The following PIP5K1B variants were observed in gnomAD, a reference collection of about 807,000 sequenced individuals.
PIP5K1B encodes the protein phosphatidylinositol 4-phosphate 5-kinase type-1 beta.
In PIP5K1B, 42 loss-of-function variants were observed where a neutral mutation model predicts 67.0. The observed-to-expected ratio is 0.63, with a 90% confidence interval of 0.49 to 0.81. The LOEUF is 0.81. PIP5K1B is among the 30% of genes least tolerant of loss of function. The pLI, the probability that PIP5K1B is intolerant of heterozygous loss-of-function variation, is 0.00. For synonymous variants in PIP5K1B, 214 were observed against 231.4 expected, an observed-to-expected ratio of 0.92 and a Z score of 0.68; for missense variants, 459 against 646.3, an observed-to-expected ratio of 0.71 and a Z score of 3.14.
intron 5 of PIP5K1B, among the ~76,000 whole-genome samples, chr9:68,866,305 A>G (rs1427850592): frequency 6.6e-6 from 1 of 151,886 alleles, no homozygotes; most frequent in Non-Finnish European, 1.5e-5. Flanking sequence ...CAAAAAAAAA[A>G]AAAAGAAAAA....
At chr9:68,806,474 G>A (rs978365118) in intron 2 of PIP5K1B, among the ~76,000 whole-genome samples, 5 of 152,054 alleles carry the variant, frequency 3.3e-5, no homozygotes, top group African/African-American at 9.7e-5. Context: ...ATTTTATCTC[G>A]CCTTCTTTTA....
chr9:68,921,970 G>A (rs1826428569), intron 11 of PIP5K1B, among the ~76,000 whole-genome samples: 1 of 152,078 alleles, frequency 6.6e-6, no homozygotes, highest in African/African-American at 2.4e-5. Context: ...TTCAGACATG[G>A]CTCTTACTTA....
At chr9:68,778,044 A>T (rs760849922) in intron 2 of PIP5K1B, among the ~76,000 whole-genome samples, 8 of 152,008 alleles carry the variant, frequency 5.3e-5, no homozygotes, top group Non-Finnish European at 8.8e-5. Flanking sequence ...GCCTTTCCCA[A>T]CTTTGGTTTT....
intron 1 of PIP5K1B, among the ~76,000 whole-genome samples, chr9:68,732,270 C>T (rs1392440958): frequency 6.6e-6 from 1 of 152,192 alleles, no homozygotes; most frequent in Admixed American, 6.5e-5. Context: ...AAGGGTCTCT[C>T]GTTTATTTTT....
At chr9:68,755,367 T>C (rs574381611) in intron 2 of PIP5K1B, among the ~76,000 whole-genome samples, 96 of 152,358 alleles carry the variant, frequency 6.3e-4, no homozygotes, top group African/African-American at 2.1e-3. Flanking sequence ...CACAAGAAGT[T>C]TGCAAATATC....
intron 2 of PIP5K1B, among the ~76,000 whole-genome samples, chr9:68,815,276 A>AG (rs1178903990): frequency 6.6e-6 from 1 of 151,776 alleles, no homozygotes; most frequent in Non-Finnish European, 1.5e-5. Context: ...TTAAAAAAAA[A>AG]AAGAGTGAAA....
At position 68,875,336 on chromosome 9, in the gene PIP5K1B, G is replaced by A. The variant is rs2152648; in HGVS notation, c.201-1341G>A. Among the ~76,000 whole-genome samples the A allele has an allele frequency of 6.9e-3, 879 of 127,990 alleles. 6 individuals are homozygous for A. The highest frequency in any genetic ancestry group is 0.011 in the Non-Finnish European group (721 of 62,924). 84.0% of individuals were successfully genotyped at this position (127,990 alleles called of 152,430 possible). A position where few individuals can be genotyped will look rare whatever the true frequency, so the allele number is the denominator to read the frequency against. Reference sequence around the variant, plus strand: ...AAAAAAAAAAAAAAAACAGTCATCTGTAATCGTGCAGGAGGAAAAACTAGT... The same window carrying A: ...AAAAAAAAAAAAAAAACAGTCATCTATAATCGTGCAGGAGGAAAAACTAGT... On this transcript the variant is annotated intron_variant, in intron 5 of 15. Coordinates refer to ENST00000265382, the MANE Select transcript of PIP5K1B (RefSeq NM_003558.4).
intron 3 of PIP5K1B, among the ~76,000 whole-genome samples, chr9:68,820,269 T>G (rs933801666): frequency 1.3e-5 from 2 of 152,254 alleles, no homozygotes; most frequent in African/African-American, 4.8e-5. Flanking sequence ...TATTCAAAAC[T>G]GACCTAATAT....
chr9:68,790,985 G>GA (rs1431641752), intron 2 of PIP5K1B, among the ~76,000 whole-genome samples: 1 of 152,204 alleles, frequency 6.6e-6, no homozygotes, highest in Non-Finnish European at 1.5e-5. Context: ...CAACATGACT[G>GA]AAAGTAGAGA....
intron 1 of PIP5K1B, among the ~76,000 whole-genome samples, chr9:68,732,598 A>G (rs1192286664): frequency 6.6e-6 from 1 of 152,226 alleles, no homozygotes; most frequent in Non-Finnish European, 1.5e-5. Context: ...CTTGTCTCAC[A>G]TCTGATAGCT....
intron 14 of PIP5K1B, among the ~76,000 whole-genome samples, chr9:68,985,730 C>T (rs1430729476): frequency 6.6e-6 from 1 of 152,256 alleles, no homozygotes; most frequent in Admixed American, 6.5e-5. Flanking sequence ...CCTGCACTCA[C>T]AGTCTCTTCA....
chr9:68,920,949 A>C (rs759821538), intron 11 of PIP5K1B, among the ~76,000 whole-genome samples: 1 of 152,148 alleles, frequency 6.6e-6, no homozygotes, highest in African/African-American at 2.4e-5. Context: ...TTGGTCACAC[A>C]TTTCCTTTTA....
intron 1 of PIP5K1B, among the ~76,000 whole-genome samples, chr9:68,716,756 A>G (rs541136222): frequency 3.3e-5 from 5 of 152,338 alleles, no homozygotes; most frequent in African/African-American, 1.2e-4. Context: ...CCCAAAGGAA[A>G]ATAAATTGTT....
chr9:68,931,755 G>A (rs1472153177), intron 12 of PIP5K1B, among the ~76,000 whole-genome samples: 1 of 152,160 alleles, frequency 6.6e-6, no homozygotes, highest in Non-Finnish European at 1.5e-5. Context: ...GGAGGCAGTC[G>A]AGTGGCAGAA....
Position 68,826,904 on chromosome 9 carries a change from G to A in PIP5K1B, c.69+4221G>A, listed in dbSNP as rs186582210. On this transcript the variant is annotated intron_variant, in intron 4 of 15. Coordinates refer to ENST00000265382, the MANE Select transcript of PIP5K1B (RefSeq NM_003558.4). ...GTAGCTGGGACTACAGGTGCATGCC[G>A]CCACGCCTGGCTAATTTTTTGTATT... Among the ~76,000 whole-genome samples, 615 of 147,454 alleles carry A rather than the reference G, an allele frequency of 4.2e-3. 1 individual carries two copies. Among genetic ancestry groups the A allele is most frequent in the Non-Finnish European group, 6.7e-3 (449 of 66,960 alleles).
At chr9:68,923,499 C>G (rs1289492857) in intron 12 of PIP5K1B, 113 bp downstream of exon 12, 4 of 593,486 alleles carry the variant, frequency 6.7e-6, no homozygotes, top group Non-Finnish European at 5.8e-6. Flanking sequence ...GCAGTAATCA[C>G]TTAGTAATTA....
At chr9:68,759,932 C>A (rs144124130) in intron 2 of PIP5K1B, among the ~76,000 whole-genome samples, 124 of 152,158 alleles carry the variant, frequency 8.1e-4, no homozygotes, top group African/African-American at 2.9e-3. Flanking sequence ...AGACAGCAAT[C>A]TTCTAAGGTA....
chr9:68,888,904 A>G (rs1487260523), intron 6 of PIP5K1B, 77 bp from the exon 7 acceptor site: 2 of 967,910 alleles, frequency 2.1e-6, no homozygotes, highest in East Asian at 2.4e-5. Context: ...TAAGATGTGC[A>G]ATGCTATGAT....
intron 2 of PIP5K1B, among the ~76,000 whole-genome samples, chr9:68,744,268 A>G (rs1829163273): frequency 6.6e-6 from 1 of 152,192 alleles, no homozygotes; most frequent in South Asian, 2.1e-4. Flanking sequence ...GTGCTAACAC[A>G]ATGGGGTTCT....
Sources: gnomAD v4.1 joint callset for allele counts (sites outside exome capture counted in the v4.1 genomes callset) on GRCh38, gnomAD v4.1.1 for gene constraint, MANE v1.5 for transcripts, NCBI Gene and HGNC (gene_info 2026-07-23, HGNC 2026-07-21) for gene names.